Variants in DYNC1I2 observed in about 807,000 individuals in gnomAD.
DYNC1I2 encodes the protein cytoplasmic dynein 1 intermediate chain 2.
A neutral mutation model predicts 88.6 loss-of-function variants in DYNC1I2; 53 were observed. That is an observed-to-expected ratio of 0.60 (90% CI 0.48 to 0.75). The LOEUF (loss-of-function observed/expected upper bound fraction) is 0.75, where lower values mean the gene tolerates loss of function less well. DYNC1I2 is among the 30% of genes least tolerant of loss of function. The pLI is 0.00. For synonymous variants in DYNC1I2, 198 were observed against 254.6 expected, an observed-to-expected ratio of 0.78 and a Z score of 2.12; for missense variants, 458 against 766.6, an observed-to-expected ratio of 0.60 and a Z score of 4.75.
At chr2:171,742,211 C>G (rs902061655) in intron 15 of DYNC1I2, among the ~76,000 whole-genome samples, 1 of 152,010 alleles carries the variant, frequency 6.6e-6, no homozygotes, top group Non-Finnish European at 1.5e-5. Flanking sequence ...TCACTCCCAT[C>G]GCCTAGGCTG....
At chr2:171,732,373 A>G (rs1318228569) in intron 15 of DYNC1I2, among the ~76,000 whole-genome samples, 1 of 152,218 alleles carries the variant, frequency 6.6e-6, no homozygotes, top group Non-Finnish European at 1.5e-5. Flanking sequence ...AGTAATGATA[A>G]TCTTTCTAAA....
chr2:171,715,527 T>G, intron 7 of DYNC1I2, 84 bp downstream of exon 7: 1 of 974,604 alleles, frequency 1.0e-6, no homozygotes, highest in Non-Finnish European at 1.5e-6. Flanking sequence ...GATTTTTGTT[T>G]TGTTTCTTTT....
At chr2:171,710,120 TATAC>T (rs71013066) in intron 5 of DYNC1I2, among the ~76,000 whole-genome samples, 3,612 of 95,676 alleles carry the variant, frequency 0.038, 63 homozygotes, top group Admixed American at 0.1. Flanking sequence ...TTTATGTATA[TATAC>T]ACACACACAC....
chr2:171,741,182 T>C (rs925876322), intron 15 of DYNC1I2, among the ~76,000 whole-genome samples: 20 of 152,228 alleles, frequency 1.3e-4, no homozygotes, highest in African/African-American at 3.6e-4. Flanking sequence ...TGTATAGATA[T>C]ACCACTTTTT....
At chr2:171,709,895 TTAG>T (rs1280526964) in intron 5 of DYNC1I2, among the ~76,000 whole-genome samples, 1 of 152,016 alleles carries the variant, frequency 6.6e-6, no homozygotes, top group Non-Finnish European at 1.5e-5. Flanking sequence ...TTTTGTATTT[TTAG>T]TAAAGACAGG....
intron 15 of DYNC1I2, among the ~76,000 whole-genome samples, chr2:171,736,374 T>C (rs748146740): frequency 6.6e-6 from 1 of 152,196 alleles, no homozygotes; most frequent in African/African-American, 2.4e-5. Context: ...CATTGGAGAA[T>C]GTCAATTTAT....
intron 4 of DYNC1I2, chr2:171,706,811 A>G: frequency 2.2e-6 from 1 of 449,050 alleles, no homozygotes; most frequent in Non-Finnish European, 3.9e-6. Context: ...AAATTATTAG[A>G]CAAAAGTTAA....
intron 16 of DYNC1I2, among the ~76,000 whole-genome samples, chr2:171,745,420 C>A (rs545968679): frequency 5.9e-5 from 9 of 152,144 alleles, no homozygotes; most frequent in Non-Finnish European, 1.5e-5. Context: ...TACAACTGAA[C>A]CATAATCTGC....
In DYNC1I2 at chr2:171,731,758, G is replaced by A. The variant is rs141750875; in HGVS notation, c.1536+1905G>A. On this transcript the variant is annotated intron_variant, in intron 15 of 17. Coordinates refer to ENST00000397119, the MANE Select transcript of DYNC1I2 (RefSeq NM_001378.3). ...GATAGAATAGCATCCTGTCCATGGT[G>A]GGTTCTTGTCTTGTGCTCTGACCAG... Among the ~76,000 whole-genome samples the A allele has an allele frequency of 1.4e-4, 22 of 152,070 alleles. 1 individual carries two copies. The East Asian group carries it at 4.3e-3, about 30-fold the overall frequency.
At chr2:171,688,759 G>A (rs929103027) in intron 1 of DYNC1I2, 1 of 152,230 alleles carries the variant, frequency 6.6e-6, no homozygotes, top group Non-Finnish European at 1.5e-5. Context: ...TTCTTAGTAG[G>A]TGAATTTCTC....
chr2:171,696,380 G>A (rs1685768027), intron 3 of DYNC1I2, among the ~76,000 whole-genome samples: 2 of 152,156 alleles, frequency 1.3e-5, no homozygotes, highest in South Asian at 2.1e-4. Flanking sequence ...ATACTGAACT[G>A]CTAGGTATAA....
intron 15 of DYNC1I2, among the ~76,000 whole-genome samples, chr2:171,737,144 A>G (rs1031399777): frequency 6.6e-6 from 1 of 152,180 alleles, no homozygotes; most frequent in African/African-American, 2.4e-5. Flanking sequence ...GGTTGCCAGC[A>G]ATCCTTGCTG....
chr2:171,741,030 G>A (rs552703490), intron 15 of DYNC1I2, among the ~76,000 whole-genome samples: 3 of 152,192 alleles, frequency 2.0e-5, no homozygotes, highest in East Asian at 3.9e-4. Context: ...TGCCTGTTAT[G>A]GACAGTTCAT....
At chr2:171,721,538 T>C (rs1234353541) in intron 7 of DYNC1I2, among the ~76,000 whole-genome samples, 2 of 152,220 alleles carry the variant, frequency 1.3e-5, no homozygotes, top group Admixed American at 1.3e-4. Flanking sequence ...AGGAAAATCA[T>C]TCCTATGTAA....
At chr2:171,733,034 C>G (rs1057002110) in intron 15 of DYNC1I2, among the ~76,000 whole-genome samples, 1 of 152,120 alleles carries the variant, frequency 6.6e-6, no homozygotes, top group Non-Finnish European at 1.5e-5. Flanking sequence ...TTGTTCTCCT[C>G]TATGTGTCTA....
At chr2:171,726,611 C>G (rs954956030) in intron 10 of DYNC1I2, 180 bp from the exon 11 acceptor site, 7 of 627,130 alleles carry the variant, frequency 1.1e-5, no homozygotes, top group Non-Finnish European at 1.5e-5. Context: ...AAATAATTAA[C>G]TGTTCTAATT....
In DYNC1I2 at chr2:171,708,749, G is replaced by A. The variant is rs191589108; in HGVS notation, c.335+1372G>A. Among the ~76,000 whole-genome samples the A allele has an allele frequency of 6.6e-5, 10 of 152,052 alleles. No individual in the cohort carries two copies. The East Asian group carries it at 1.9e-3, about 29-fold the overall frequency. On this transcript the variant is annotated intron_variant, in intron 5 of 17. Coordinates refer to ENST00000397119, the MANE Select transcript of DYNC1I2 (RefSeq NM_001378.3). ...TCTCTGTCACCCAGACTGGAGGGCA[G>A]TGGCGCAATCTTGGCTCACTGCAAC...
intron 15 of DYNC1I2, among the ~76,000 whole-genome samples, chr2:171,740,047 G>C (rs1305042959): frequency 1.3e-5 from 2 of 151,958 alleles, no homozygotes; most frequent in Non-Finnish European, 2.9e-5. Context: ...TTTAAAGTAG[G>C]GCTTGCATCC....
At chr2:171,746,187 G>A (rs918256317) in intron 17 of DYNC1I2, among the ~76,000 whole-genome samples, 1 of 152,170 alleles carries the variant, frequency 6.6e-6, no homozygotes, top group African/African-American at 2.4e-5. Context: ...AGCATGCATT[G>A]CTGGAAATTA....
Sources: gnomAD v4.1 joint callset for allele counts (sites outside exome capture counted in the v4.1 genomes callset) on GRCh38, gnomAD v4.1.1 for gene constraint, MANE v1.5 for transcripts, NCBI Gene and HGNC (gene_info 2026-07-23, HGNC 2026-07-21) for gene names.